The following RALYL variants were observed in gnomAD, a reference collection of about 807,000 sequenced individuals.
The protein encoded by RALYL is RNA-binding Raly-like protein.
A neutral mutation model predicts 35.1 loss-of-function variants in RALYL; 29 were observed. The ratio of observed to expected loss-of-function variants is 0.83; its 90% CI spans 0.61 to 1.13. RALYL has a LOEUF of 1.13. Among genes scored for constraint, RALYL ranks in the 50% most tolerant of loss-of-function variants. RALYL has a pLI of 0.00. For missense variants in RALYL, 359 were observed against 360.4 expected, an observed-to-expected ratio of 1.00 and a Z score of 0.03; for synonymous variants, 120 against 127.6, an observed-to-expected ratio of 0.94 and a Z score of 0.40.
intron 2 of RALYL, among the ~76,000 whole-genome samples, chr8:84,560,839 A>T (rs1176661610): frequency 6.6e-6 from 1 of 151,872 alleles, no homozygotes; most frequent in East Asian, 1.9e-4. Flanking sequence ...GAACTTGTCA[A>T]TTAAATGCCC....
At position 84,607,171 on chromosome 8, in the gene RALYL, T is replaced by TC. The variant is rs200562962; in HGVS notation, c.256+77602dup. On this transcript the variant is annotated intron_variant, in intron 2 of 8. Transcript: ENST00000521268. Reference sequence around the variant, plus strand: ...CCAGATTTTCTTCTTCCTTCTCTTTTCCCCCCCCTTTTCTTCCTGCTTCTT... The same window carrying TC: ...CCAGATTTTCTTCTTCCTTCTCTTTTCCCCCCCCCTTTTCTTCCTGCTTCTT... 5.6e-3 allele frequency among the ~76,000 whole-genome samples: 849 copies of TC among 151,264 alleles called. 8 individuals are homozygous for TC. Among genetic ancestry groups the TC allele is most frequent in the African/African-American group, 0.016 (646 of 41,220 alleles).
chr8:84,550,121 C>T (rs368561847), intron 2 of RALYL, among the ~76,000 whole-genome samples: 5 of 152,166 alleles, frequency 3.3e-5, no homozygotes, highest in African/African-American at 1.2e-4. Context: ...TTCCATGTTT[C>T]TTTCCAAAGA....
chr8:84,234,795 C>A, intron 1 of RALYL, among the ~76,000 whole-genome samples: 1 of 149,562 alleles, frequency 6.7e-6, no homozygotes. Context: ...GATGGAGTCT[C>A]GCTCTGTAGC....
intron 2 of RALYL, among the ~76,000 whole-genome samples, chr8:84,668,958 C>T (rs1438335732): frequency 1.3e-5 from 2 of 150,234 alleles, no homozygotes; most frequent in Admixed American, 1.3e-4. Flanking sequence ...CACATCCATC[C>T]ATCCATCCAT....
At chr8:84,413,571 C>G (rs922897180) in intron 1 of RALYL, among the ~76,000 whole-genome samples, 3 of 151,940 alleles carry the variant, frequency 2.0e-5, no homozygotes, top group African/African-American at 7.2e-5. Context: ...TCTCACTTTG[C>G]CTTTTATTTA....
chr8:84,516,691 G>A (rs2058092079), intron 1 of RALYL, among the ~76,000 whole-genome samples: 1 of 152,124 alleles, frequency 6.6e-6, no homozygotes, highest in South Asian at 2.1e-4. Flanking sequence ...AACATCCCTG[G>A]TTATCAAGTC....
intron 1 of RALYL, among the ~76,000 whole-genome samples, chr8:84,515,868 G>T (rs2058020460): frequency 1.3e-5 from 2 of 152,066 alleles, no homozygotes. Context: ...GATTGCTCCT[G>T]TTCGGAATTT....
intron 2 of RALYL, among the ~76,000 whole-genome samples, chr8:84,664,407 A>G (rs1010204676): frequency 6.7e-6 from 1 of 150,178 alleles, no homozygotes; most frequent in South Asian, 2.1e-4. Flanking sequence ...CATTGAATTT[A>G]TAAATTCCCT....
intron 3 of RALYL, among the ~76,000 whole-genome samples, chr8:84,782,515 TCTAA>T (rs1196915101): frequency 6.6e-6 from 1 of 152,254 alleles, no homozygotes; most frequent in Non-Finnish European, 1.5e-5. Context: ...ACTGATTCTT[TCTAA>T]CTGTTGGTTT....
chr8:84,363,610 A>G (rs1483125399), intron 1 of RALYL, among the ~76,000 whole-genome samples: 6 of 152,176 alleles, frequency 3.9e-5, no homozygotes, highest in Admixed American at 3.9e-4. Flanking sequence ...ATTTGATATT[A>G]TTCTTATAAG....
intron 1 of RALYL, among the ~76,000 whole-genome samples, chr8:84,220,802 G>A (rs1228674851): frequency 6.6e-6 from 1 of 151,978 alleles, no homozygotes; most frequent in African/African-American, 2.4e-5. Flanking sequence ...ATGATTAAGA[G>A]TGCATTATTA....
intron 1 of RALYL, among the ~76,000 whole-genome samples, chr8:84,361,716 A>G (rs1389057869): frequency 6.6e-6 from 1 of 152,172 alleles, no homozygotes; most frequent in Non-Finnish European, 1.5e-5. Context: ...AGGTAGGGGA[A>G]ATTCTAAATC....
At position 84,704,199 on chromosome 8, in the gene RALYL, C is replaced by T. The variant is rs575354155; in HGVS notation, c.257-70380C>T. 1.3e-4 allele frequency among the ~76,000 whole-genome samples: 20 copies of T among 152,084 alleles called. No individual in the cohort carries two copies. In the East Asian group the frequency reaches 2.3e-3, roughly 18 times the overall value. Reference sequence around the variant, plus strand: ...CAGCACTTTGGGAGGCCAAGGTGGGCGGATCACCTGAGGTCAGGAGTTCGA... The same window carrying T: ...CAGCACTTTGGGAGGCCAAGGTGGGTGGATCACCTGAGGTCAGGAGTTCGA... On this transcript the variant is annotated intron_variant, in intron 2 of 8. Transcript: ENST00000521268.
At chr8:84,696,726 T>A (rs1469609807) in intron 2 of RALYL, among the ~76,000 whole-genome samples, 3 of 152,018 alleles carry the variant, frequency 2.0e-5, no homozygotes, top group African/African-American at 7.2e-5. Context: ...GCCGTTTAAG[T>A]AAACATCTAA....
chr8:84,260,651 G>C (rs1832081863), intron 1 of RALYL, among the ~76,000 whole-genome samples: 1 of 152,118 alleles, frequency 6.6e-6, no homozygotes, highest in South Asian at 2.1e-4. Flanking sequence ...GCATGAAAGG[G>C]ATAAGGAGAA....
chr8:84,197,439 C>G (rs1218772123), intron 1 of RALYL, among the ~76,000 whole-genome samples: 1 of 152,180 alleles, frequency 6.6e-6, no homozygotes, highest in Non-Finnish European at 1.5e-5. Flanking sequence ...CAACTTCTAA[C>G]CTTCCATTTT....
intron 3 of RALYL, among the ~76,000 whole-genome samples, chr8:84,798,624 G>A (rs1822481629): frequency 6.6e-6 from 1 of 152,180 alleles, no homozygotes; most frequent in African/African-American, 2.4e-5. Flanking sequence ...CTTAAATGTA[G>A]GTCAGGGCTT....
chr8:84,479,020 A>G (rs909845786), intron 1 of RALYL, among the ~76,000 whole-genome samples: 4 of 126,842 alleles, frequency 3.2e-5, no homozygotes, highest in African/African-American at 1.2e-4. Context: ...TGGGAGGCGG[A>G]GCTTGCAGTG....
At chr8:84,207,599 G>C (rs1476642526) in intron 1 of RALYL, among the ~76,000 whole-genome samples, 1 of 152,038 alleles carries the variant, frequency 6.6e-6, no homozygotes, top group Non-Finnish European at 1.5e-5. Context: ...CAAAGGTACA[G>C]TGTTTCAGTT....
Sources: gnomAD v4.1 joint callset for allele counts (sites outside exome capture counted in the v4.1 genomes callset) on GRCh38, gnomAD v4.1.1 for gene constraint, MANE v1.5 for transcripts, NCBI Gene and HGNC (gene_info 2026-07-23, HGNC 2026-07-21) for gene names.